PTPRT: variants seen among roughly 807,000 people sequenced by gnomAD.
The protein encoded by PTPRT is protein tyrosine phosphatase receptor type T, also known as receptor-type tyrosine-protein phosphatase T.
PTPRT carries 56 observed loss-of-function variants against 176.8 expected under a neutral mutation model. The ratio of observed to expected loss-of-function variants is 0.32; its 90% CI spans 0.26 to 0.40. The LOEUF is 0.40. Among genes scored for constraint, PTPRT ranks in the 10% least tolerant of loss-of-function variants. PTPRT has a pLI of 1.00. For missense variants in PTPRT, 1,540 were observed against 1,908.2 expected, an observed-to-expected ratio of 0.81 and a Z score of 3.60; for synonymous variants, 783 against 739.0, an observed-to-expected ratio of 1.06 and a Z score of -0.96.
At chr20:43,064,597 C>T (rs1302717999) in intron 1 of PTPRT, among the ~76,000 whole-genome samples, 1 of 152,220 alleles carries the variant, frequency 6.6e-6, no homozygotes, top group African/African-American at 2.4e-5. Context: ...GCTTCAGTCA[C>T]AGCTGCTTCA....
At chr20:43,177,929 G>A (rs2015158484) in intron 1 of PTPRT, among the ~76,000 whole-genome samples, 1 of 152,210 alleles carries the variant, frequency 6.6e-6, no homozygotes, top group African/African-American at 2.4e-5. Context: ...TCAAGTCCCA[G>A]AAATATTTTC....
intron 15 of PTPRT, among the ~76,000 whole-genome samples, chr20:42,200,970 T>C (rs1010812740): frequency 1.2e-4 from 19 of 152,148 alleles, no homozygotes; most frequent in African/African-American, 4.1e-4. Context: ...AAACAGATAG[T>C]TTCAAGAGGT....
intron 8 of PTPRT, among the ~76,000 whole-genome samples, chr20:42,471,432 G>A (rs1461249343): frequency 6.6e-6 from 1 of 152,162 alleles, no homozygotes; most frequent in Non-Finnish European, 1.5e-5. Context: ...ATCTGGTTAA[G>A]TGTGTGGCAC....
intron 9 of PTPRT, among the ~76,000 whole-genome samples, chr20:42,430,754 G>A (rs949679249): frequency 2.6e-5 from 4 of 152,156 alleles, no homozygotes; most frequent in Admixed American, 6.5e-5. Flanking sequence ...TCTCCAGCAA[G>A]TCCTTGGAGA....
At chr20:42,861,202 T>C (rs984801003) in intron 2 of PTPRT, among the ~76,000 whole-genome samples, 2 of 152,184 alleles carry the variant, frequency 1.3e-5, no homozygotes, top group Non-Finnish European at 2.9e-5. Flanking sequence ...TTTCCTACCA[T>C]TGCCCTTCAG....
chr20:43,108,709 G>A (rs748293838), intron 1 of PTPRT, among the ~76,000 whole-genome samples: 7 of 152,082 alleles, frequency 4.6e-5, no homozygotes, highest in Admixed American at 2.6e-4. Flanking sequence ...CAGGGTTGGC[G>A]TGGGGGATAG....
intron 6 of PTPRT, among the ~76,000 whole-genome samples, chr20:42,746,534 C>A (rs1478161463): frequency 6.6e-6 from 1 of 152,024 alleles, no homozygotes; most frequent in Non-Finnish European, 1.5e-5. Context: ...AAATGATGGT[C>A]CTAATCCACT....
chr20:42,607,357 T>G (rs1442462785), intron 7 of PTPRT: 2 of 152,170 alleles, frequency 1.3e-5, no homozygotes, highest in Non-Finnish European at 2.9e-5. Flanking sequence ...TACCTGTATT[T>G]TACCACAATT....
chr20:43,062,185 A>T (rs1331510746), intron 1 of PTPRT, among the ~76,000 whole-genome samples: 1 of 152,216 alleles, frequency 6.6e-6, no homozygotes, highest in Admixed American at 6.5e-5. Context: ...GGGTATGCAC[A>T]TTGGTCAAAA....
intron 16 of PTPRT, among the ~76,000 whole-genome samples, chr20:42,195,946 T>C (rs1991199509): frequency 6.6e-6 from 1 of 152,230 alleles, no homozygotes; most frequent in African/African-American, 2.4e-5. Context: ...GTCTTGGGTG[T>C]TTTCATCTTA....
chr20:42,616,150 A>G (rs1226714611), intron 7 of PTPRT, among the ~76,000 whole-genome samples: 5 of 125,704 alleles, frequency 4.0e-5, no homozygotes, highest in African/African-American at 7.8e-5. Flanking sequence ...TCAGCTTTCT[A>G]CATATGGCTA....
intron 19 of PTPRT, among the ~76,000 whole-genome samples, chr20:42,126,040 G>T (rs1987841882): frequency 7.0e-6 from 1 of 141,868 alleles, no homozygotes. Flanking sequence ...GGGGGGAGGG[G>T]AAGGAGAAAG....
intron 16 of PTPRT, among the ~76,000 whole-genome samples, chr20:42,180,864 A>G (rs1374495231): frequency 6.6e-6 from 1 of 152,228 alleles, no homozygotes; most frequent in East Asian, 1.9e-4. Context: ...AGTACATTAT[A>G]GTAGTAGGAT....
intron 1 of PTPRT, among the ~76,000 whole-genome samples, chr20:43,185,957 A>G (rs1452019700): frequency 6.6e-6 from 1 of 151,676 alleles, no homozygotes; most frequent in African/African-American, 2.4e-5. Flanking sequence ...ACTAAAAATC[A>G]TCACCAAACC....
At chr20:42,916,678 C>G (rs541145499) in intron 1 of PTPRT, among the ~76,000 whole-genome samples, 5 of 152,294 alleles carry the variant, frequency 3.3e-5, no homozygotes, top group South Asian at 2.1e-4. Flanking sequence ...GAGATGGTAT[C>G]TCATTGTGGT....
intron 7 of PTPRT, among the ~76,000 whole-genome samples, chr20:42,622,370 T>C (rs2074215125): frequency 6.6e-6 from 1 of 151,918 alleles, no homozygotes; most frequent in Admixed American, 6.6e-5. Flanking sequence ...GCCTCCCGAG[T>C]AGCTGGGACT....
At chr20:42,908,725 T>C (rs1242494232) in intron 1 of PTPRT, among the ~76,000 whole-genome samples, 2 of 152,232 alleles carry the variant, frequency 1.3e-5, no homozygotes, top group African/African-American at 2.4e-5. Context: ...ATTTCTTTCA[T>C]GTGTATGCTA....
At chr20:42,484,182 C>T (rs1179789971) in intron 7 of PTPRT, among the ~76,000 whole-genome samples, 1 of 152,196 alleles carries the variant, frequency 6.6e-6, no homozygotes, top group Admixed American at 6.5e-5. Flanking sequence ...ACCAGAGGTT[C>T]ACAGTGCCCT....
chr20:42,102,943 C>T (rs1332987078), intron 25 of PTPRT, among the ~76,000 whole-genome samples: 2 of 152,212 alleles, frequency 1.3e-5, no homozygotes, highest in Non-Finnish European at 2.9e-5. Context: ...CTGTACCCTC[C>T]ATCCTTCCCT....
Sources: gnomAD v4.1 joint callset for allele counts (sites outside exome capture counted in the v4.1 genomes callset) on GRCh38, gnomAD v4.1.1 for gene constraint, MANE v1.5 for transcripts, NCBI Gene and HGNC (gene_info 2026-07-23, HGNC 2026-07-21) for gene names.